SLC50A1: variants seen among roughly 807,000 people sequenced by gnomAD.
The protein encoded by SLC50A1 is sugar transporter SWEET1.
Under a neutral mutation model 28.9 loss-of-function variants are expected in SLC50A1, and 22 were observed. That is an observed-to-expected ratio of 0.76 (90% CI 0.54 to 1.09). SLC50A1 has a LOEUF of 1.09. Ranked by LOEUF, SLC50A1 falls within the 50% of genes least tolerant of loss-of-function variation. The pLI is 0.00. For missense variants in SLC50A1, 233 were observed against 273.4 expected, an observed-to-expected ratio of 0.85 and a Z score of 1.04; for synonymous variants, 96 against 110.6, an observed-to-expected ratio of 0.87 and a Z score of 0.83.
chr1:155,136,955 G>A lies in SLC50A1; in HGVS notation c.282+4G>A, dbSNP rs754801599. On this transcript the variant is annotated splice_donor_region_variant and intron_variant, in intron 3 of 5. Coordinates refer to ENST00000368404, the MANE Select transcript of SLC50A1 (RefSeq NM_018845.4). ...TCTGCATTACTGCCCTCGGAAGGTA[G>A]AGGCCCTCCCTTGGACCCACCTATC... 1.2e-6 allele frequency: 2 copies of A among 1,613,816 alleles called. No individual in the cohort carries two copies.
chr1:155,136,742 CAAAAA>C (rs879631277), intron 2 of SLC50A1, 81 bp from the exon 3 acceptor site: 1 of 1,234,786 alleles, frequency 8.1e-7, no homozygotes, highest in Non-Finnish European at 1.1e-6. Flanking sequence ...GACTACGTCT[CAAAAA>C]AAAAAAAAGA....
chr1:155,135,709 CGGA>C (rs1376386074), upstream of SLC50A1: 2 of 1,549,814 alleles, frequency 1.3e-6, no homozygotes, highest in South Asian at 1.2e-5. Context: ...GGAAGGCGCT[CGGA>C]GGAGAGGGGC....
upstream of SLC50A1, chr1:155,135,758 CT>C: frequency 6.5e-7 from 1 of 1,549,654 alleles, no homozygotes; most frequent in Admixed American, 2.0e-5. Context: ...GAGGGTGGGG[CT>C]TCGGCGCAGT....
chr1:155,135,740 G>C, upstream of SLC50A1: 1 of 1,549,452 alleles, frequency 6.5e-7, no homozygotes, highest in Non-Finnish European at 8.7e-7. Context: ...CCGGTTCGGC[G>C]TCGGAGGGAG....
rs201598745 is a variant in SLC50A1, at chr1:155,135,898, C to A, written c.-14C>A. The A allele has an allele frequency of 3.1e-6, 5 of 1,612,868 alleles. No homozygotes were observed. The highest frequency in any genetic ancestry group is 3.4e-6 in the Non-Finnish European group (4 of 1,179,632). On this transcript the variant is annotated 5_prime_UTR_variant, in exon 1 of 6. Transcript: ENST00000368404. ...CGCGGCGGGCGCTGGGCGCGGGATC[C>A]GACTCTAGTCGTAATGGAGGCGGGC...
In SLC50A1 at chr1:155,138,080, C is replaced by G. The variant is rs760230083; in HGVS notation, c.546C>G (p.Leu182=). 17 of 1,614,026 alleles carry G rather than the reference C, an allele frequency of 1.1e-5. No individual in the cohort carries two copies. The highest frequency in any genetic ancestry group is 4.0e-5 in the African/African-American group (3 of 74,904). Residue 182 remains leucine (L), a synonymous_variant, in exon 5 of 6, where the codon CTC becomes CTG. Transcript: ENST00000368404. The part of the protein sequence containing the change: ...SASWCLYGFR[L]RDPYIMVSNF... Reference sequence around the variant, plus strand: ...CCTGGTGCCTCTATGGGTTTCGACTCAGAGATCCCTATATCATGGTAAGCA... The same window carrying G: ...CCTGGTGCCTCTATGGGTTTCGACTGAGAGATCCCTATATCATGGTAAGCA...
upstream of SLC50A1, chr1:155,135,465 G>A (rs112565778): frequency 2.6e-5 from 25 of 960,778 alleles, no homozygotes; most frequent in Admixed American, 2.7e-4. Flanking sequence ...AGGTTCTGAT[G>A]TGGAGCTCTG....
chr1:155,137,518 T>C, intron 3 of SLC50A1, 43 bp from the exon 4 acceptor site: 2 of 1,609,948 alleles, frequency 1.2e-6, no homozygotes, highest in Non-Finnish European at 1.7e-6. Flanking sequence ...AGCAGGGAAG[T>C]CAGAGTGCAC....
In SLC50A1 at chr1:155,136,332, T is replaced by C. The variant is rs909654384; in HGVS notation, c.114T>C (p.Ser38=). 6.2e-7 allele frequency: 1 copy of C among 1,609,748 alleles called. No homozygotes were observed. The highest frequency in any genetic ancestry group is 8.5e-7 in the Non-Finnish European group (1 of 1,178,746). Residue 38 remains serine (S), a synonymous_variant, in exon 2 of 6, where the codon AGT becomes AGC. Coordinates refer to ENST00000368404, the MANE Select transcript of SLC50A1 (RefSeq NM_018845.4). The stretch of plus-strand genomic sequence containing the variant: ...TCAGGCACATGCGAATGACCCGGAG[T>C]GTGGACAACGTCCAGTTCCTGCCCT... ...SDLRHMRMTR[S]VDNVQFLPFL...
upstream of SLC50A1, chr1:155,135,724 C>T (rs561756583): frequency 1.9e-6 from 3 of 1,549,398 alleles, no homozygotes; most frequent in East Asian, 4.9e-5. Flanking sequence ...GAGAGGGGCG[C>T]GAGTTCCGGT....
upstream of SLC50A1, chr1:155,135,759 T>G: frequency 1.3e-6 from 2 of 1,549,712 alleles, no homozygotes; most frequent in South Asian, 2.4e-5. Flanking sequence ...AGGGTGGGGC[T>G]TCGGCGCAGT....
intron 3 of SLC50A1, 37 bp from the exon 4 acceptor site, chr1:155,137,524 T>G: frequency 1.2e-6 from 2 of 1,611,910 alleles, no homozygotes; most frequent in Non-Finnish European, 1.7e-6. Flanking sequence ...GAAGTCAGAG[T>G]GCACATCTGG....
chr1:155,135,385 A>C (rs1664373715), upstream of SLC50A1: 2 of 521,460 alleles, frequency 3.8e-6, no homozygotes, highest in Non-Finnish European at 3.4e-6. Flanking sequence ...GATTCCTGGT[A>C]ATGTGTTATT....
chr1:155,136,662 G>C, intron 2 of SLC50A1, 166 bp from the exon 3 acceptor site: 1 of 1,011,538 alleles, frequency 9.9e-7, no homozygotes, highest in Non-Finnish European at 1.4e-6. Context: ...AGAATGGCGT[G>C]AACCCAGGAG....
chr1:155,135,668 G>C, upstream of SLC50A1: 1 of 1,550,458 alleles, frequency 6.4e-7, no homozygotes, highest in Non-Finnish European at 8.7e-7. Context: ...GGACTGACCG[G>C]GACATGGAAG....
rs771194447 is a variant in SLC50A1 at position 155,136,853 on chromosome 1, G to A, written c.184G>A (p.Ala62Thr). 5 of 1,614,092 alleles carry A rather than the reference G, an allele frequency of 3.1e-6. No homozygotes were observed. The highest frequency in any genetic ancestry group is 3.4e-6 in the Non-Finnish European group (4 of 1,180,038). The change falls in exon 3 of 6, where the codon GCT becomes ACT. Residue 62 changes from alanine (A) to threonine (T), a missense_variant. Physicochemically the swap from Ala to Thr is moderately conservative, Grantham distance 58. Transcript: ENST00000368404. The part of the protein sequence containing the change: ...VNNLGWLSYG[A>T]LKGDGILIVV... ...CAACCTGGGCTGGCTGAGTTATGGG[G>A]CTTTGAAGGGAGACGGGATCCTCAT... is the stretch of plus-strand genomic sequence containing the variant.
At chr1:155,135,685 G>A, upstream of SLC50A1, 1 of 1,550,346 alleles carries the variant, frequency 6.5e-7, no homozygotes, top group South Asian at 1.2e-5. Context: ...GAAGAGGTCT[G>A]GACCAGGGTA....
upstream of SLC50A1, chr1:155,135,597 G>C: frequency 6.5e-7 from 1 of 1,550,004 alleles, no homozygotes; most frequent in South Asian, 1.2e-5. Flanking sequence ...ATGATCCAAG[G>C]GGTAGGCAGA....
chr1:155,136,251 T>C (rs201798515), intron 1 of SLC50A1, 48 bp from the exon 2 acceptor site: 105 of 1,309,678 alleles, frequency 8.0e-5, no homozygotes, highest in African/African-American at 7.6e-4. Flanking sequence ...TCTAGCACTC[T>C]GCTTCTCCCT....
Sources: allele counts gnomAD v4.1 joint callset, GRCh38; gene constraint gnomAD v4.1.1; transcripts MANE v1.5; gene names NCBI Gene and HGNC (gene_info 2026-07-23, HGNC 2026-07-21).